The following TAF8 variants were observed in gnomAD, a reference collection of about 807,000 sequenced individuals.
TAF8 encodes the protein TATA-box binding protein associated factor 8.
A neutral mutation model predicts 36.5 loss-of-function variants in TAF8; 47 were observed. The ratio of observed to expected loss-of-function variants is 1.29; its 90% CI spans 1.02 to 1.64. The LOEUF is 1.64. Ranked by LOEUF, TAF8 falls within the 40% of genes most tolerant of loss-of-function variation. The probability of loss-of-function intolerance (pLI) is 0.00; values close to 1 mark genes in which losing one functional copy is unlikely to be tolerated. For missense variants in TAF8, 420 were observed against 407.6 expected (o/e 1.03, Z -0.26); for synonymous variants, 175 against 159.5 (o/e 1.10, Z -0.73).
rs1765854787 is a variant in TAF8 at position 42,079,447 on chromosome 6, A to G, written c.*1902A>G. 2 of 985,342 alleles carry G rather than the reference A, an allele frequency of 2.0e-6. No homozygotes were observed. The highest frequency in any genetic ancestry group is 9.4e-5 in the South Asian group (2 of 21,294). The allele number at this position is 985,342 out of a possible 1,614,324, so 61.0% of individuals were successfully genotyped here. ...AGGAAGAGTTTTTAAAACTAAATCC[A>G]AGGAAGAAAAATGTAACAACACGTG... is the stretch of plus-strand genomic sequence containing the variant. On this transcript the variant is annotated 3_prime_UTR_variant, in exon 9 of 9. Coordinates refer to ENST00000372977, the MANE Select transcript of TAF8 (RefSeq NM_138572.3).
downstream of TAF8, among the ~76,000 whole-genome samples, chr6:42,086,516 G>T (rs140913888): frequency 1.3e-5 from 2 of 152,220 alleles, no homozygotes; most frequent in East Asian, 3.9e-4. Flanking sequence ...GTCCTCCAGG[G>T]GTGCACATGT....
At position 42,066,423 on chromosome 6, in the gene TAF8, CAG is replaced by C. The variant is rs1562015681; in HGVS notation, c.604_605del (p.Leu203PhefsTer4). 2.5e-6 allele frequency: 4 copies of C among 1,614,226 alleles called. No homozygotes were observed. Among genetic ancestry groups the C allele is most frequent in the East Asian group, 2.2e-5 (1 of 44,884 alleles). ...TTTCATGGCCAAGACAGGCGAGACT[CAG>C]AGTCTTTTCAAAGATGACGTCAGCA... is the stretch of plus-strand genomic sequence containing the variant. The part of the protein sequence containing the change: ...TRFMAKTGET[Q>X]SLFKDDVSTF... On this transcript the variant is annotated frameshift_variant, in exon 6 of 9. Coordinates refer to ENST00000372977, the MANE Select transcript of TAF8 (RefSeq NM_138572.3). LOFTEE classifies it high-confidence loss of function.
downstream of TAF8, among the ~76,000 whole-genome samples, chr6:42,085,739 C>T (rs571177652): frequency 2.6e-5 from 4 of 152,212 alleles, no homozygotes; most frequent in Non-Finnish European, 5.9e-5. Context: ...AATCCCAGCA[C>T]TTTGGGAGGC....
chr6:42,073,976 T>G (rs1003037515), intron 7 of TAF8, among the ~76,000 whole-genome samples: 17 of 152,046 alleles, frequency 1.1e-4, no homozygotes, highest in African/African-American at 4.1e-4. Context: ...GCTAACAGAT[T>G]GGGTATGGGA....
chr6:42,061,819 ATAATTTT>A (rs1765198481), intron 5 of TAF8, among the ~76,000 whole-genome samples: 1 of 152,238 alleles, frequency 6.6e-6, no homozygotes, highest in Non-Finnish European at 1.5e-5. Context: ...AGAAAGAGAC[ATAATTTT>A]TAATTGGATT....
intron 2 of TAF8, among the ~76,000 whole-genome samples, chr6:42,054,656 T>C (rs1010288138): frequency 9.9e-5 from 15 of 152,074 alleles, no homozygotes; most frequent in African/African-American, 3.6e-4. Flanking sequence ...TCTCCCAGGC[T>C]GGAGTGCAGT....
chr6:42,055,139 G>T (rs1249044885), intron 2 of TAF8, among the ~76,000 whole-genome samples: 1 of 151,694 alleles, frequency 6.6e-6, no homozygotes, highest in Non-Finnish European at 1.5e-5. Context: ...GGTCAGGTTG[G>T]TCTCAAACTC....
At chr6:42,051,094 T>A in intron 1 of TAF8, 1 of 1,144,754 alleles carries the variant, frequency 8.7e-7, no homozygotes, top group Non-Finnish European at 1.1e-6. Flanking sequence ...TCTAATAATC[T>A]GCTAAAGTAG....
intron 8 of TAF8, 128 bp from the exon 9 acceptor site, chr6:42,077,405 C>G (rs1367018992): frequency 1.6e-5 from 24 of 1,541,652 alleles, no homozygotes; most frequent in Non-Finnish European, 1.9e-5. Context: ...GTACATAGCT[C>G]TTGTTCCTTA....
intron 7 of TAF8, among the ~76,000 whole-genome samples, chr6:42,074,835 C>T (rs1179631130): frequency 2.6e-4 from 29 of 110,650 alleles, no homozygotes; most frequent in African/African-American, 9.7e-4. Context: ...CACGCCTGGC[C>T]TACTTTTTTT....
intron 7 of TAF8, among the ~76,000 whole-genome samples, chr6:42,074,470 G>A (rs1284189654): frequency 5.9e-5 from 9 of 152,186 alleles, no homozygotes; most frequent in Admixed American, 5.9e-4. Flanking sequence ...AGGCAATTCA[G>A]GGAGCTCCTG....
At chr6:42,062,512 T>C (rs1268075963) in intron 5 of TAF8, among the ~76,000 whole-genome samples, 2 of 151,600 alleles carry the variant, frequency 1.3e-5, no homozygotes, top group Non-Finnish European at 2.9e-5. Flanking sequence ...TCTGTTACTC[T>C]TTTAGGTTAA....
At chr6:42,072,553 C>T (rs9381129) in intron 7 of TAF8, among the ~76,000 whole-genome samples, 12,462 of 152,102 alleles carry the variant, frequency 0.082, 674 homozygotes, top group East Asian at 0.19. Flanking sequence ...TGTATCTTGG[C>T]GGTCATTCCA....
intron 2 of TAF8, among the ~76,000 whole-genome samples, chr6:42,054,688 A>G (rs572503787): frequency 1.4e-3 from 207 of 148,608 alleles, no homozygotes; most frequent in African/African-American, 4.9e-3. Flanking sequence ...GGCTCACTGC[A>G]ACCACCTCCA....
At chr6:42,050,701 T>G (rs1342703684) in intron 1 of TAF8, 115 bp downstream of exon 1, 4 of 1,292,382 alleles carry the variant, frequency 3.1e-6, no homozygotes, top group Non-Finnish European at 3.1e-6. Context: ...GAGCTCCGAC[T>G]GGCGGAGGGT....
intron 5 of TAF8, among the ~76,000 whole-genome samples, chr6:42,059,976 G>T (rs1317081930): frequency 3.3e-5 from 5 of 152,198 alleles, no homozygotes; most frequent in African/African-American, 1.2e-4. Flanking sequence ...ACCCGAAGGT[G>T]AGAAGAGTGG....
rs1765878477 is a variant in TAF8, at chr6:42,080,163, C to T, written c.*2618C>T. 1 of 985,358 alleles carries T rather than the reference C, an allele frequency of 1.0e-6. No homozygotes were observed. Among genetic ancestry groups the T allele is most frequent in the Non-Finnish European group, 1.2e-6 (1 of 829,962 alleles). The allele number at this position is 985,358 out of a possible 1,614,324, so 61.0% of individuals were successfully genotyped here. On this transcript the variant is annotated 3_prime_UTR_variant, in exon 9 of 9. Transcript: ENST00000372977. ...TGGCCTGATAAGTTTATGAACACAG[C>T]CCCACATTCAAGCCGTGGCCAATCC...
At chr6:42,068,701 C>G (rs1043308842) in intron 7 of TAF8, 94 bp downstream of exon 7, 3 of 1,509,280 alleles carry the variant, frequency 2.0e-6, no homozygotes, top group Non-Finnish European at 2.7e-6. Context: ...TGATCGACCT[C>G]AGGTCTCTTT....
chr6:42,074,104 A>T (rs1402074885), intron 7 of TAF8, among the ~76,000 whole-genome samples: 1 of 152,212 alleles, frequency 6.6e-6, no homozygotes, highest in Non-Finnish European at 1.5e-5. Context: ...TTTGGGCAAC[A>T]TAGTGAGACC....
Sources: gnomAD v4.1 joint callset for allele counts (sites outside exome capture counted in the v4.1 genomes callset) on GRCh38, gnomAD v4.1.1 for gene constraint, MANE v1.5 for transcripts, NCBI Gene and HGNC (gene_info 2026-07-23, HGNC 2026-07-21) for gene names.